Variants in TMTC1 observed in about 807,000 individuals in gnomAD.
TMTC1 encodes the protein protein O-mannosyl-transferase TMTC1.
TMTC1 carries 73 observed loss-of-function variants against 104.8 expected under a neutral mutation model. The ratio of observed to expected loss-of-function variants is 0.70; its 90% confidence interval spans 0.58 to 0.85. The LOEUF (loss-of-function observed/expected upper bound fraction) is 0.85, where lower values mean the gene tolerates loss of function less well. TMTC1 is among the 40% of genes least tolerant of loss of function. The pLI, the probability that TMTC1 is intolerant of heterozygous loss-of-function variation, is 0.00. For synonymous variants in TMTC1, 434 were observed against 428.7 expected (o/e 1.01, Z -0.15); for missense variants, 1,035 against 1,096.1 (o/e 0.94, Z 0.79).
At chr12:29,606,310 A>G (rs899532004) in intron 6 of TMTC1, among the ~76,000 whole-genome samples, 1 of 152,220 alleles carries the variant, frequency 6.6e-6, no homozygotes, top group Non-Finnish European at 1.5e-5. Context: ...GGCTGAACTA[A>G]TTTGCATTCC....
At chr12:29,626,702 C>G (rs1292492579) in intron 6 of TMTC1, among the ~76,000 whole-genome samples, 1 of 152,164 alleles carries the variant, frequency 6.6e-6, no homozygotes, top group Non-Finnish European at 1.5e-5. Flanking sequence ...TAGAAGAAAA[C>G]AGTCATAAAT....
intron 16 of TMTC1, 125 bp downstream of exon 16, chr12:29,514,357 T>C (rs1943923352): frequency 1.0e-6 from 1 of 969,638 alleles, no homozygotes; most frequent in Admixed American, 3.2e-5. Context: ...TAAAAAAAAC[T>C]CACTCACTCC....
chr12:29,649,947 A>G (rs1939438338), intron 5 of TMTC1, among the ~76,000 whole-genome samples: 1 of 152,224 alleles, frequency 6.6e-6, no homozygotes, highest in African/African-American at 2.4e-5. Flanking sequence ...GCTCTGAGCC[A>G]AAGCCTAGTA....
intron 5 of TMTC1, among the ~76,000 whole-genome samples, chr12:29,644,539 T>G (rs1939183411): frequency 6.6e-6 from 1 of 151,924 alleles, no homozygotes; most frequent in Non-Finnish European, 1.5e-5. Context: ...ATTCCCAGAA[T>G]AATTCAAAGA....
intron 7 of TMTC1, among the ~76,000 whole-genome samples, chr12:29,599,894 A>ATATATACATGTGTATATATATGTG (rs1946507342): frequency 6.7e-6 from 1 of 149,438 alleles, no homozygotes; most frequent in Non-Finnish European, 1.5e-5. Flanking sequence ...ATATATGTGT[A>ATATATACATGTGTATATATATGTG]TATATACATG....
intron 10 of TMTC1, among the ~76,000 whole-genome samples, chr12:29,541,209 G>A (rs58290969): frequency 0.015 from 2,251 of 152,240 alleles, 40 homozygotes; most frequent in African/African-American, 0.046. Context: ...GCCTAACTTA[G>A]AATCATAAGA....
At chr12:29,548,124 G>A (rs1056412781) in intron 10 of TMTC1, among the ~76,000 whole-genome samples, 5 of 152,180 alleles carry the variant, frequency 3.3e-5, no homozygotes, top group Admixed American at 2.0e-4. Context: ...TCCCTAGGGG[G>A]ATCTGGGGCA....
intron 5 of TMTC1, among the ~76,000 whole-genome samples, chr12:29,734,919 C>T (rs1445835861): frequency 3.9e-5 from 6 of 152,168 alleles, no homozygotes; most frequent in African/African-American, 1.4e-4. Flanking sequence ...CAGAACATAA[C>T]GTGCTGAATC....
At chr12:29,560,514 T>C (rs1032682148) in intron 9 of TMTC1, among the ~76,000 whole-genome samples, 3 of 152,102 alleles carry the variant, frequency 2.0e-5, no homozygotes, top group African/African-American at 7.2e-5. Flanking sequence ...ATCCCAGCAC[T>C]TTGGGAGGTC....
intron 5 of TMTC1, among the ~76,000 whole-genome samples, chr12:29,690,652 G>A (rs1165759038): frequency 6.6e-6 from 1 of 152,116 alleles, no homozygotes; most frequent in Admixed American, 6.5e-5. Flanking sequence ...AGCTCATATA[G>A]ACAAATATAT....
intron 5 of TMTC1, among the ~76,000 whole-genome samples, chr12:29,741,470 TTGTCTCCCTTG>T (rs1227773142): frequency 6.6e-6 from 1 of 152,162 alleles, no homozygotes; most frequent in African/African-American, 2.4e-5. Flanking sequence ...GCCAACCAGC[TTGTCTCCCTTG>T]TGTCACTTCA....
At chr12:29,766,620 C>T (rs1003949100) in intron 2 of TMTC1, among the ~76,000 whole-genome samples, 3 of 152,072 alleles carry the variant, frequency 2.0e-5, no homozygotes, top group African/African-American at 7.2e-5. Flanking sequence ...CTGGTGTACA[C>T]AAGGTATTCC....
intron 5 of TMTC1, among the ~76,000 whole-genome samples, chr12:29,695,793 T>TTTTATATATATATATA (rs371127995): frequency 9.5e-5 from 8 of 83,800 alleles, no homozygotes; most frequent in Non-Finnish European, 1.1e-4. Context: ...TACTTCCTTT[T>TTTTATATATATATATA]TATATATATA....
At chr12:29,726,900 A>AGATGTAGT (rs1942406591) in intron 5 of TMTC1, among the ~76,000 whole-genome samples, 1 of 152,354 alleles carries the variant, frequency 6.6e-6, no homozygotes, top group South Asian at 2.1e-4. Context: ...AAGTAGCACT[A>AGATGTAGT]GATGTAGTTA....
At chr12:29,697,433 T>G (rs1333924176) in intron 5 of TMTC1, among the ~76,000 whole-genome samples, 1 of 152,230 alleles carries the variant, frequency 6.6e-6, no homozygotes, top group East Asian at 1.9e-4. Flanking sequence ...CTCTGATGCT[T>G]AAGGGGTACA....
At chr12:29,768,708 G>C (rs1943529681) in intron 1 of TMTC1, among the ~76,000 whole-genome samples, 1 of 152,148 alleles carries the variant, frequency 6.6e-6, no homozygotes, top group Non-Finnish European at 1.5e-5. Flanking sequence ...GTTCCACAAT[G>C]TGTATTAAAT....
chr12:29,779,114 C>T (rs76202914), intron 1 of TMTC1, among the ~76,000 whole-genome samples: 463 of 152,302 alleles, frequency 3.0e-3, no homozygotes, highest in Admixed American at 4.3e-3. Context: ...AGCTGAAAGA[C>T]GAGATCTGGA....
chr12:29,557,037 A>G (rs1158818403), intron 9 of TMTC1, 37 bp from the exon 10 acceptor site: 7 of 1,608,044 alleles, frequency 4.4e-6, no homozygotes, highest in Non-Finnish European at 5.1e-6. Context: ...GATGGTTCAA[A>G]AACTTCTAAG....
chr12:29,746,647 A>C (rs1942962721), intron 5 of TMTC1, among the ~76,000 whole-genome samples: 1 of 152,240 alleles, frequency 6.6e-6, no homozygotes, highest in Non-Finnish European at 1.5e-5. Context: ...TTGAAGGTCA[A>C]AATATTTATA....
Sources: gnomAD v4.1 joint callset for allele counts (sites outside exome capture counted in the v4.1 genomes callset) on GRCh38, gnomAD v4.1.1 for gene constraint, MANE v1.5 for transcripts, NCBI Gene and HGNC (gene_info 2026-07-23, HGNC 2026-07-21) for gene names.